OAT: variants seen among roughly 807,000 people sequenced by gnomAD.
OAT encodes the protein ornithine aminotransferase, also known as ornithine aminotransferase, mitochondrial.
In OAT, 35 loss-of-function variants were observed where a neutral mutation model predicts 48.4. The observed-to-expected ratio is 0.72, with a 90% CI of 0.55 to 0.96. OAT has a LOEUF of 0.96. Ranked by LOEUF, OAT falls within the 40% of genes least tolerant of loss-of-function variation. OAT has a pLI of 0.00. For missense variants in OAT, 438 were observed against 537.9 expected (o/e 0.81, Z 1.84); for synonymous variants, 182 against 198.4 (o/e 0.92, Z 0.70).
chr10:124,407,946 C>G (rs10901509), intron 4 of OAT, among the ~76,000 whole-genome samples: 9,728 of 152,066 alleles, frequency 0.064, 431 homozygotes, highest in Non-Finnish European at 0.084. Flanking sequence ...CCTCCAATAT[C>G]AAGATTCAAA....
intron 1 of OAT, among the ~76,000 whole-genome samples, chr10:124,418,532 G>C (rs911701538): frequency 1.3e-5 from 2 of 152,226 alleles, no homozygotes; most frequent in Non-Finnish European, 2.9e-5. Flanking sequence ...TCTGGCAGGC[G>C]GGGCTGCCAC....
chr10:124,415,068 A>C lies in OAT; in HGVS notation c.-29-2868T>G, dbSNP rs1951877975. On this transcript the variant is annotated intron_variant, in intron 1 of 9. Transcript: ENST00000368845. Reference sequence around the variant, plus strand: ...CACCAGCACTCCAGCCTGGGCTACAAAGCGCTAAAAAAAAAAAAAAAAAAA... The same window carrying C: ...CACCAGCACTCCAGCCTGGGCTACACAGCGCTAAAAAAAAAAAAAAAAAAA... The C allele has an allele frequency of 2.8e-4, 5 of 18,126 alleles. 1 individual carries two copies. The highest frequency in any genetic ancestry group is 3.0e-4 in the African/African-American group (1 of 3,328). 1.1% of individuals were successfully genotyped at this position (18,126 alleles called of 1,614,324 possible). A position where few individuals can be genotyped will look rare whatever the true frequency, so the allele number is the denominator to read the frequency against.
chr10:124,408,921 G>C lies in OAT; in HGVS notation c.244C>G (p.Leu82Val). Residue 82 changes from leucine (L) to valine (V), a missense_variant, in exon 3 of 10, where the codon CTG becomes GTG. Leu to Val is a conservative substitution (Grantham distance 32, BLOSUM62 1). Transcript: ENST00000368845. The part of the protein sequence containing the change: ...DVEGRKYFDF[L>V]SSYSAVNQGH... ...TGGTTGACAGCACTGTAAGAACTCAGGAAGTCAAAATATTTTCTGCCTTCT... is the reference window on the plus strand; with the variant it reads ...TGGTTGACAGCACTGTAAGAACTCACGAAGTCAAAATATTTTCTGCCTTCT... 1 of 1,613,984 alleles carries C rather than the reference G, an allele frequency of 6.2e-7. No individual in the cohort carries two copies. The highest frequency in any genetic ancestry group is 8.5e-7 in the Non-Finnish European group (1 of 1,179,980).
chr10:124,406,850 G>T, intron 4 of OAT: 1 of 525,244 alleles, frequency 1.9e-6, no homozygotes, highest in Non-Finnish European at 2.4e-6. Flanking sequence ...ATCACAACTG[G>T]CAAGATCCCT....
At chr10:124,406,589 G>T (rs1328262705) in intron 4 of OAT, among the ~76,000 whole-genome samples, 1 of 151,946 alleles carries the variant, frequency 6.6e-6, no homozygotes, top group African/African-American at 2.4e-5. Flanking sequence ...GCCGAGGCAG[G>T]CAGAACACAT....
chr10:124,397,891 C>T lies in OAT; in HGVS notation c.*51G>A, dbSNP rs762169631. 5.0e-6 allele frequency: 8 copies of T among 1,609,852 alleles called. No individual in the cohort carries two copies. Among genetic ancestry groups the T allele is most frequent in the South Asian group, 4.4e-5 (4 of 90,922 alleles). On this transcript the variant is annotated 3_prime_UTR_variant, in exon 10 of 10. Transcript: ENST00000368845. Reference sequence around the variant, plus strand: ...CATTAGGAATAAAGCTTTTACAGGACCACCTGTCTCCAGCTGGCTCCCAGG... The same window carrying T: ...CATTAGGAATAAAGCTTTTACAGGATCACCTGTCTCCAGCTGGCTCCCAGG...
rs1564745974 is a variant in OAT at position 124,418,907 on chromosome 10, C to G, written c.-64G>C. On this transcript the variant is annotated 5_prime_UTR_variant, in exon 1 of 10. Coordinates refer to ENST00000368845, the MANE Select transcript of OAT (RefSeq NM_000274.4). ...CCTGAGGACAACCGGGTACACGCGG[C>G]GTCTATGAAGCGCAACAGTGACGCC... 6.6e-6 allele frequency: 1 copy of G among 152,280 alleles called. No individual in the cohort carries two copies. Among genetic ancestry groups the G allele is most frequent in the Non-Finnish European group, 1.5e-5 (1 of 68,112 alleles). 9.4% of individuals were successfully genotyped at this position (152,280 alleles called of 1,614,324 possible).
chr10:124,400,721 G>T, intron 9 of OAT, 119 bp downstream of exon 9: 1 of 799,710 alleles, frequency 1.3e-6, no homozygotes, highest in Non-Finnish European at 1.9e-6. Flanking sequence ...CGGCACTGCA[G>T]CCTAGGAGAC....
chr10:124,417,546 T>C (rs1158631048), intron 1 of OAT, among the ~76,000 whole-genome samples: 1 of 152,104 alleles, frequency 6.6e-6, no homozygotes, highest in Non-Finnish European at 1.5e-5. Flanking sequence ...GGGCCTCCCA[T>C]AATACTGGGA....
At chr10:124,414,798 A>C (rs528811610) in intron 1 of OAT, among the ~76,000 whole-genome samples, 1 of 152,122 alleles carries the variant, frequency 6.6e-6, no homozygotes, top group Non-Finnish European at 1.5e-5. Context: ...ACAACTTTCT[A>C]GGGCCAGGCA....
At chr10:124,417,673 T>C (rs1005243404) in intron 1 of OAT, among the ~76,000 whole-genome samples, 7 of 152,178 alleles carry the variant, frequency 4.6e-5, no homozygotes, top group African/African-American at 1.4e-4. Flanking sequence ...AAGGAGTCTA[T>C]TGTTATTTCA....
chr10:124,410,810 C>T (rs1046338909), intron 2 of OAT, among the ~76,000 whole-genome samples: 2 of 151,490 alleles, frequency 1.3e-5, no homozygotes, highest in Non-Finnish European at 2.9e-5. Flanking sequence ...AAAGTCATTG[C>T]GTTTTTGGAA....
chr10:124,409,454 G>A (rs1000493568), intron 2 of OAT, among the ~76,000 whole-genome samples: 1 of 152,082 alleles, frequency 6.6e-6, no homozygotes, highest in African/African-American at 2.4e-5. Flanking sequence ...CAGAGGCTGA[G>A]GTGGGAGGAT....
chr10:124,418,263 G>C (rs901754478), intron 1 of OAT: 2 of 152,384 alleles, frequency 1.3e-5, no homozygotes, highest in African/African-American at 4.8e-5. Context: ...TGGGCAGGCC[G>C]ATCTGCAGGG....
At chr10:124,408,185 G>A (rs1301037964) in intron 4 of OAT, among the ~76,000 whole-genome samples, 2 of 151,140 alleles carry the variant, frequency 1.3e-5, no homozygotes, top group Admixed American at 6.6e-5. Context: ...CAGCAAATAC[G>A]TATCATGTAC....
chr10:124,418,354 G>A (rs1951984517), intron 1 of OAT, among the ~76,000 whole-genome samples: 1 of 152,162 alleles, frequency 6.6e-6, no homozygotes, highest in Non-Finnish European at 1.5e-5. Flanking sequence ...CCGGTTTACT[G>A]CACAGCTCCC....
chr10:124,408,311 G>GTATATA (rs1564735776), intron 4 of OAT, among the ~76,000 whole-genome samples: 15 of 61,586 alleles, frequency 2.4e-4, no homozygotes, highest in African/African-American at 3.4e-4. Context: ...GTGTGTGTGT[G>GTATATA]TGTGTGTATA....
At chr10:124,405,702 A>C in intron 4 of OAT, 139 bp from the exon 5 acceptor site, 1 of 1,506,776 alleles carries the variant, frequency 6.6e-7, no homozygotes, top group Non-Finnish European at 8.9e-7. Context: ...TGGGCTTTCA[A>C]TTGTTAAAAC....
rs777488833 is a variant in OAT, at chr10:124,403,851, C to G, written c.718G>C (p.Val240Leu). Residue 240 changes from valine to leucine, a missense_variant, in exon 6 of 10, where the codon GTT becomes CTT. By Grantham distance (32) the Val-to-Leu change is conservative. Coordinates refer to ENST00000368845, the MANE Select transcript of OAT (RefSeq NM_000274.4). ...EPIQGEAGVV[V>L]PDPGYLMGVR... ...CCCATTAGGTAACCTGGATCCGGAACAACAACGCCTGCTTCACCCTGAATT... is the reference window on the plus strand; with the variant it reads ...CCCATTAGGTAACCTGGATCCGGAAGAACAACGCCTGCTTCACCCTGAATT... 1 of 1,614,168 alleles carries G rather than the reference C, an allele frequency of 6.2e-7. No homozygotes were observed. Among genetic ancestry groups the G allele is most frequent in the South Asian group, 1.1e-5 (1 of 91,084 alleles).
Sources: allele counts gnomAD v4.1 joint callset (sites outside exome capture counted in the v4.1 genomes callset), GRCh38; gene constraint gnomAD v4.1.1; transcripts MANE v1.5; gene names NCBI Gene and HGNC (gene_info 2026-07-23, HGNC 2026-07-21).